The following MTCL1 variants were observed in gnomAD, a reference collection of about 807,000 sequenced individuals.
MTCL1 encodes the protein microtubule cross-linking factor 1.
In MTCL1, 79 loss-of-function variants were observed where a neutral mutation model predicts 141.4. That is an observed-to-expected ratio of 0.56 (90% CI 0.47 to 0.67). The LOEUF (loss-of-function observed/expected upper bound fraction) is 0.67. Ranked by LOEUF, MTCL1 falls within the 30% of genes least tolerant of loss-of-function variation. MTCL1 has a pLI of 0.00. For missense variants in MTCL1, 2,177 were observed against 2,113.9 expected (o/e 1.03, Z -0.59); for synonymous variants, 914 against 875.8 (o/e 1.04, Z -0.77).
At position 8,813,243 on chromosome 18, in the gene MTCL1, C is replaced by A. The variant is rs771115139; in HGVS notation, c.2859+10C>A. ...GTGGAGGATAGAGCAGGTAAGGAGGCACCCCGGGGCCCTGGAGCATAGGCA... is the reference window on the plus strand; with the variant it reads ...GTGGAGGATAGAGCAGGTAAGGAGGAACCCCGGGGCCCTGGAGCATAGGCA... On this transcript the variant is annotated intron_variant, in intron 12 of 16. Coordinates refer to ENST00000359865, the Ensembl canonical transcript of MTCL1. The A allele has an allele frequency of 1.4e-5, 23 of 1,608,614 alleles. No individual in the cohort carries two copies. The South Asian group carries it at 2.6e-4, about 18-fold the overall frequency.
At chr18:8,811,657 GA>G (rs770248201) in intron 11 of MTCL1, among the ~76,000 whole-genome samples, 1 of 152,044 alleles carries the variant, frequency 6.6e-6, no homozygotes, top group African/African-American at 2.4e-5. Context: ...CTCTACATAG[GA>G]ATAATGGTTA....
intron 3 of MTCL1, 174 bp from the exon 3 acceptor site, chr18:8,720,164 A>ATTTTTTT (rs1318754771): frequency 9.0e-5 from 56 of 620,590 alleles, no homozygotes; most frequent in Admixed American, 2.4e-4. Flanking sequence ...TGTTGATTTC[A>ATTTTTTT]TTTTTAAATG....
intron 4 of MTCL1, among the ~76,000 whole-genome samples, chr18:8,753,829 A>G (rs1369404443): frequency 6.6e-6 from 1 of 152,190 alleles, no homozygotes; most frequent in African/African-American, 2.4e-5. Flanking sequence ...TAGGAGTGTA[A>G]GAGGCCCATG....
exon 17 of MTCL1, chr18:8,832,555 A>T (rs2144588341): frequency 6.6e-6 from 1 of 152,298 alleles, no homozygotes. Flanking sequence ...ATTTCCTTGT[A>T]CTGTACTTTT....
intron 7 of MTCL1, 46 bp from the exon 7 acceptor site, chr18:8,792,952 A>G (rs1598692197): frequency 6.2e-7 from 1 of 1,607,826 alleles, no homozygotes; most frequent in Non-Finnish European, 8.5e-7. Context: ...CACCTCAGGC[A>G]GAGTTCTCAT....
Position 8,828,827 on chromosome 18 carries a change from T to A in MTCL1, c.4723-81T>A. Reference sequence around the variant, plus strand: ...CCTCTACCTCCGGGCTTGCTGACTTTAAACCTTTATTGTTCTCCTGTTTAA... The same window carrying A: ...CCTCTACCTCCGGGCTTGCTGACTTAAAACCTTTATTGTTCTCCTGTTTAA... On this transcript the variant is annotated intron_variant, in intron 15 of 16. Coordinates refer to ENST00000359865, the Ensembl canonical transcript of MTCL1. This position sits in a 1 kb window ranked among gnomAD's most constrained non-coding sequence, Gnocchi z 5.2. The A allele has an allele frequency of 1.2e-6, 2 of 1,607,648 alleles. No individual in the cohort carries two copies. Among genetic ancestry groups the A allele is most frequent in the Non-Finnish European group, 8.5e-7 (1 of 1,177,778 alleles).
chr18:8,714,287 G>T (rs2096112603), upstream of MTCL1, among the ~76,000 whole-genome samples: 2 of 152,152 alleles, frequency 1.3e-5, no homozygotes, highest in African/African-American at 4.8e-5. Context: ...TCTATCAACT[G>T]CATAATGTGT....
At chr18:8,725,504 A>G (rs902546038) in intron 4 of MTCL1, among the ~76,000 whole-genome samples, 1 of 152,228 alleles carries the variant, frequency 6.6e-6, no homozygotes, top group Non-Finnish European at 1.5e-5. Context: ...TTACAAATAC[A>G]CAAAGGTTTA....
At chr18:8,816,570 T>C (rs2076662732) in intron 12 of MTCL1, among the ~76,000 whole-genome samples, 1 of 152,194 alleles carries the variant, frequency 6.6e-6, no homozygotes, top group African/African-American at 2.4e-5. Flanking sequence ...AATTGTTGAG[T>C]TCCCAGTTAA....
chr18:8,721,723 A>ATTAT (rs1185564295), intron 4 of MTCL1, among the ~76,000 whole-genome samples: 1 of 152,016 alleles, frequency 6.6e-6, no homozygotes, highest in African/African-American at 2.4e-5. Flanking sequence ...GTTCTGGGAC[A>ATTAT]TTATTTGTCT....
At chr18:8,817,085 C>G (rs1161759014) in intron 12 of MTCL1, among the ~76,000 whole-genome samples, 1 of 152,112 alleles carries the variant, frequency 6.6e-6, no homozygotes, top group African/African-American at 2.4e-5. Flanking sequence ...TCATAGCCCT[C>G]CTCTTTAGTC....
At position 8,828,390 on chromosome 18, in the gene MTCL1, C is replaced by T. The variant is rs565519851; in HGVS notation, c.4723-518C>T. 2.6e-5 allele frequency among the ~76,000 whole-genome samples: 4 copies of T among 152,222 alleles called. No individual in the cohort carries two copies. In the South Asian group the frequency reaches 6.2e-4, roughly 24 times the overall value. ...TGCAGAGAGAAGCCGTGAGGAGTTC[C>T]GGTGTGAAGAGAAAGAATCTGAAAA... On this transcript the variant is annotated intron_variant, in intron 15 of 16. Transcript: ENST00000359865. This position sits in a 1 kb window ranked among gnomAD's most constrained non-coding sequence, Gnocchi z 5.2.
At chr18:8,714,810 T>C (rs2096116828), upstream of MTCL1, among the ~76,000 whole-genome samples, 1 of 152,024 alleles carries the variant, frequency 6.6e-6, no homozygotes, top group South Asian at 2.1e-4. Flanking sequence ...TTCTCTTTTT[T>C]TTTTGAGGTG....
intron 10 of MTCL1, among the ~76,000 whole-genome samples, chr18:8,799,840 C>T (rs1044043796): frequency 6.6e-6 from 1 of 152,238 alleles, no homozygotes; most frequent in African/African-American, 2.4e-5. Flanking sequence ...CGTGAAGTCA[C>T]TCAGCTGGAA....
At chr18:8,785,021 G>GT (rs770562541) in intron 6 of MTCL1, among the ~76,000 whole-genome samples, 178 bp downstream of exon 5, 6,348 of 130,092 alleles carry the variant, frequency 0.049, 233 homozygotes, top group African/African-American at 0.12. Context: ...CGTTTTTTTT[G>GT]TTTTTTTTTT....
At chr18:8,725,782 TTTTTTTTC>T (rs1292459929) in intron 4 of MTCL1, among the ~76,000 whole-genome samples, 3,368 of 43,644 alleles carry the variant, frequency 0.077, 214 homozygotes, top group African/African-American at 0.26. Context: ...TTTTCTTTTT[TTTTTTTTC>T]TTTTTTTTTT....
chr18:8,724,673 A>C (rs1302530070), intron 4 of MTCL1, among the ~76,000 whole-genome samples: 1 of 152,010 alleles, frequency 6.6e-6, no homozygotes, highest in Non-Finnish European at 1.5e-5. Context: ...CCCCTAACCC[A>C]TCCCCGGCTC....
At chr18:8,798,275 G>A (rs1568059551) in exon 10 of MTCL1, 5 of 1,552,508 alleles carry the variant, frequency 3.2e-6, no homozygotes, top group Non-Finnish European at 4.3e-6. Flanking sequence ...GCGGACAGGG[G>A]ACAGCCCCAC....
chr18:8,768,477 G>A (rs1359659560), intron 4 of MTCL1, among the ~76,000 whole-genome samples: 1 of 152,194 alleles, frequency 6.6e-6, no homozygotes, highest in East Asian at 1.9e-4. Context: ...AGGGTCTGTA[G>A]GGTATGTTGG....
Sources: allele counts gnomAD v4.1 joint callset (sites outside exome capture counted in the v4.1 genomes callset), GRCh38; gene constraint gnomAD v4.1.1; non-coding constraint Gnocchi (gnomAD v3.1); transcripts MANE v1.5; gene names NCBI Gene and HGNC (gene_info 2026-07-23, HGNC 2026-07-21).